Variants in PIP4K2A observed in about 807,000 individuals in gnomAD.
PIP4K2A encodes phosphatidylinositol-5-phosphate 4-kinase type 2 alpha, also known as phosphatidylinositol 5-phosphate 4-kinase type-2 alpha.
In PIP4K2A, 14 loss-of-function variants were observed where a neutral mutation model predicts 42.9. The ratio of observed to expected loss-of-function variants is 0.33; its 90% confidence interval spans 0.22 to 0.51. PIP4K2A has a LOEUF of 0.51. Ranked by LOEUF, PIP4K2A falls within the 20% of genes least tolerant of loss-of-function variation. The pLI is 0.97. For synonymous variants in PIP4K2A, 192 were observed against 192.2 expected, an observed-to-expected ratio of 1.00 and a Z score of 0.01; for missense variants, 434 against 519.8, an observed-to-expected ratio of 0.83 and a Z score of 1.61.
chr10:22,710,226 C>T (rs562772351), intron 1 of PIP4K2A, among the ~76,000 whole-genome samples: 1 of 152,310 alleles, frequency 6.6e-6, no homozygotes, highest in African/African-American at 2.4e-5. Context: ...ATCAGGCTGG[C>T]CCTCACAGAT....
At chr10:22,587,315 A>G (rs1837419021) in intron 4 of PIP4K2A, among the ~76,000 whole-genome samples, 1 of 152,228 alleles carries the variant, frequency 6.6e-6, no homozygotes, top group South Asian at 2.1e-4. Flanking sequence ...GAAACCCTCT[A>G]TGAGAGCCTC....
intron 1 of PIP4K2A, among the ~76,000 whole-genome samples, chr10:22,710,542 C>A (rs982371694): frequency 6.6e-6 from 1 of 152,192 alleles, no homozygotes; most frequent in African/African-American, 2.4e-5. Context: ...TCATTCCCTG[C>A]TCTGTGGAGG....
intron 4 of PIP4K2A, among the ~76,000 whole-genome samples, chr10:22,574,434 T>C (rs1837061815): frequency 2.1e-5 from 2 of 95,204 alleles, no homozygotes; most frequent in South Asian, 8.1e-4. Flanking sequence ...GCTTGAATTT[T>C]TCATTTTCTG....
rs796292751 is a variant in PIP4K2A at position 22,664,226 on chromosome 10, T to TAC, written c.144+49956_144+49957insGT. On this transcript the variant is annotated intron_variant, in intron 1 of 9. Transcript: ENST00000376573. ...ATACATATATATATATACATATATA[T>TAC]ATACACACACACACACACACACACA... Among the ~76,000 whole-genome samples, 527 of 54,392 alleles carry TAC rather than the reference T, an allele frequency of 9.7e-3. 31 individuals are homozygous for TAC. Among genetic ancestry groups the TAC allele is most frequent in the African/African-American group, 0.027 (345 of 12,970 alleles). 35.7% of individuals were successfully genotyped at this position (54,392 alleles called of 152,430 possible). A position where few individuals can be genotyped will look rare whatever the true frequency, so the allele number is the denominator to read the frequency against.
At chr10:22,607,771 T>C (rs1229742025) in intron 3 of PIP4K2A, 156 bp downstream of exon 3, 6 of 541,396 alleles carry the variant, frequency 1.1e-5, no homozygotes, top group South Asian at 1.1e-4. Flanking sequence ...AAGAGAACAC[T>C]TTACTTCAGC....
chr10:22,626,563 G>A (rs1279747170), intron 1 of PIP4K2A, among the ~76,000 whole-genome samples: 2 of 152,208 alleles, frequency 1.3e-5, no homozygotes, highest in Non-Finnish European at 2.9e-5. Context: ...GAATAAGGAT[G>A]AGCTACCCAG....
At chr10:22,572,942 C>T (rs911249625) in intron 5 of PIP4K2A, among the ~76,000 whole-genome samples, 2 of 152,220 alleles carry the variant, frequency 1.3e-5, no homozygotes, top group Admixed American at 6.5e-5. Flanking sequence ...GTCTATAGCA[C>T]TTACCACTTC....
chr10:22,668,505 C>A (rs1839392111), intron 1 of PIP4K2A, among the ~76,000 whole-genome samples: 1 of 151,872 alleles, frequency 6.6e-6, no homozygotes, highest in South Asian at 2.1e-4. Context: ...AAATAAAAAC[C>A]CTTCATTGGC....
At chr10:22,686,085 T>A (rs1269412876) in intron 1 of PIP4K2A, among the ~76,000 whole-genome samples, 1 of 151,952 alleles carries the variant, frequency 6.6e-6, no homozygotes, top group Non-Finnish European at 1.5e-5. Flanking sequence ...CCCATGGGAG[T>A]CTGCTGTGCT....
At chr10:22,545,330 G>A (rs919067638) in intron 7 of PIP4K2A, among the ~76,000 whole-genome samples, 2 of 152,242 alleles carry the variant, frequency 1.3e-5, no homozygotes, top group African/African-American at 4.8e-5. Context: ...AAGGTCTACT[G>A]GTTGACCTTC....
chr10:22,627,591 T>TAAATAAAA (rs1838469660), intron 1 of PIP4K2A, among the ~76,000 whole-genome samples: 3 of 57,032 alleles, frequency 5.3e-5, no homozygotes, highest in South Asian at 1.7e-3. Flanking sequence ...TAATATGTAA[T>TAAATAAAA]AAAAAAAAAA....
At chr10:22,638,773 T>C (rs1222145439) in intron 1 of PIP4K2A, among the ~76,000 whole-genome samples, 3 of 152,200 alleles carry the variant, frequency 2.0e-5, no homozygotes, top group Admixed American at 1.3e-4. Flanking sequence ...TGAAGTTCAG[T>C]GAAGGACAAA....
intron 6 of PIP4K2A, among the ~76,000 whole-genome samples, chr10:22,557,133 C>G (rs1836574212): frequency 6.6e-6 from 1 of 152,042 alleles, no homozygotes; most frequent in East Asian, 1.9e-4. Context: ...CAGATTTGGC[C>G]AGGGGGTTGG....
At chr10:22,638,853 G>T (rs540137037) in intron 1 of PIP4K2A, among the ~76,000 whole-genome samples, 82 of 152,268 alleles carry the variant, frequency 5.4e-4, no homozygotes, top group African/African-American at 1.9e-3. Flanking sequence ...TTATGCCCGT[G>T]TAAGAATCTT....
At chr10:22,581,168 T>C (rs1837269905) in intron 4 of PIP4K2A, among the ~76,000 whole-genome samples, 1 of 152,194 alleles carries the variant, frequency 6.6e-6, no homozygotes, top group Non-Finnish European at 1.5e-5. Flanking sequence ...CCCTGAGGCA[T>C]TCCTCCTGGT....
chr10:22,551,782 C>A (rs1454757589), intron 6 of PIP4K2A, among the ~76,000 whole-genome samples: 1 of 152,116 alleles, frequency 6.6e-6, no homozygotes, highest in Non-Finnish European at 1.5e-5. Context: ...ACAAAATAAT[C>A]CAAGGAAACA....
At chr10:22,647,447 A>G (rs1838907981) in intron 1 of PIP4K2A, among the ~76,000 whole-genome samples, 1 of 152,124 alleles carries the variant, frequency 6.6e-6, no homozygotes, top group Non-Finnish European at 1.5e-5. Context: ...CAGATAAGAA[A>G]GTGAAAGGAC....
At position 22,714,545 on chromosome 10, in the gene PIP4K2A, G is replaced by C. The variant is rs1833976098; in HGVS notation, c.-219C>G. On this transcript the variant is annotated 5_prime_UTR_variant, in exon 1 of 10. Transcript: ENST00000376573. ...CGGCTCGCGCCCCGGCCCGTATCCT[G>C]CGCCCGCCGCGGATCCGCGCTCAGC... The C allele has an allele frequency of 6.7e-6, 1 of 148,694 alleles. No homozygotes were observed. Among genetic ancestry groups the C allele is most frequent in the South Asian group, 2.1e-4 (1 of 4,866 alleles). The allele number at this position is 148,694 out of a possible 1,614,324, so 9.2% of individuals were successfully genotyped here.
intron 1 of PIP4K2A, among the ~76,000 whole-genome samples, chr10:22,698,048 ACT>A (rs1427417943): frequency 6.6e-6 from 1 of 152,052 alleles, no homozygotes; most frequent in Non-Finnish European, 1.5e-5. Context: ...GGATGCAGGC[ACT>A]CTCTGCTTAG....
Sources: gnomAD v4.1 joint callset for allele counts (sites outside exome capture counted in the v4.1 genomes callset) on GRCh38, gnomAD v4.1.1 for gene constraint, MANE v1.5 for transcripts, NCBI Gene and HGNC (gene_info 2026-07-23, HGNC 2026-07-21) for gene names.